SYN3: variants seen among roughly 807,000 people sequenced by gnomAD.
SYN3 encodes the protein synapsin III.
SYN3 carries 35 observed loss-of-function variants against 65.8 expected under a neutral mutation model. The ratio of observed to expected loss-of-function variants is 0.53; its 90% CI spans 0.41 to 0.70. SYN3 has a LOEUF of 0.70. Ranked by LOEUF, SYN3 falls within the 30% of genes least tolerant of loss-of-function variation. The probability of loss-of-function intolerance (pLI) is 0.00; values close to 1 mark genes in which losing one functional copy is unlikely to be tolerated. For synonymous variants in SYN3, 270 were observed against 292.9 expected (o/e 0.92, Z 0.80); for missense variants, 680 against 749.0 (o/e 0.91, Z 1.08).
intron 2 of SYN3, among the ~76,000 whole-genome samples, chr22:33,005,916 T>C (rs1163117837): frequency 6.6e-6 from 1 of 152,214 alleles, no homozygotes; most frequent in Non-Finnish European, 1.5e-5. Context: ...ATGGTGAATA[T>C]ACCATATTTT....
intron 6 of SYN3, among the ~76,000 whole-genome samples, chr22:32,641,786 T>TAA (rs1286041702): frequency 6.6e-6 from 1 of 151,932 alleles, no homozygotes; most frequent in East Asian, 1.9e-4. Flanking sequence ...ATACTACACT[T>TAA]AAAGTGGGTA....
chr22:32,708,825 TC>T (rs2060915389), intron 6 of SYN3, among the ~76,000 whole-genome samples: 1 of 152,234 alleles, frequency 6.6e-6, no homozygotes, highest in Admixed American at 6.5e-5. Flanking sequence ...GGTGAGCAGC[TC>T]AGTTACCCCT....
At chr22:32,932,289 C>T (rs1039511274) in intron 3 of SYN3, among the ~76,000 whole-genome samples, 33 of 146,684 alleles carry the variant, frequency 2.2e-4, no homozygotes, top group African/African-American at 8.0e-4. Context: ...CCTCCTCTTG[C>T]TCCATCCATC....
chr22:33,019,609 T>G (rs2053527741), intron 1 of SYN3, among the ~76,000 whole-genome samples: 1 of 152,210 alleles, frequency 6.6e-6, no homozygotes, highest in Non-Finnish European at 1.5e-5. Flanking sequence ...TACTAGCTCC[T>G]GCTGTTATTT....
intron 6 of SYN3, among the ~76,000 whole-genome samples, chr22:32,727,781 T>C (rs901338830): frequency 3.3e-5 from 5 of 152,250 alleles, no homozygotes; most frequent in Non-Finnish European, 5.9e-5. Flanking sequence ...ATGTCTTCTT[T>C]TAAGAAGTGT....
At chr22:32,726,621 G>A (rs1395569799) in intron 6 of SYN3, among the ~76,000 whole-genome samples, 1 of 152,164 alleles carries the variant, frequency 6.6e-6, no homozygotes, top group Admixed American at 6.5e-5. Flanking sequence ...ATGTATGAGA[G>A]CTCATGTTTT....
At chr22:32,922,866 T>C (rs1399559013) in intron 4 of SYN3, among the ~76,000 whole-genome samples, 1 of 152,164 alleles carries the variant, frequency 6.6e-6, no homozygotes, top group Non-Finnish European at 1.5e-5. Context: ...TCCTAGGTGC[T>C]GTTTGCCAAA....
intron 6 of SYN3, among the ~76,000 whole-genome samples, chr22:32,630,731 C>T (rs1180832063): frequency 6.6e-6 from 1 of 152,174 alleles, no homozygotes; most frequent in Non-Finnish European, 1.5e-5. Flanking sequence ...GCAAGTTTCC[C>T]CTTAGGACTT....
At chr22:32,934,212 A>T (rs2050713651) in intron 3 of SYN3, among the ~76,000 whole-genome samples, 1 of 152,218 alleles carries the variant, frequency 6.6e-6, no homozygotes, top group Non-Finnish European at 1.5e-5. Context: ...AGAAAGTTGC[A>T]AAACAGGATA....
At chr22:32,590,321 A>G (rs572694605) in intron 7 of SYN3, among the ~76,000 whole-genome samples, 9 of 152,248 alleles carry the variant, frequency 5.9e-5, no homozygotes, top group African/African-American at 1.9e-4. Flanking sequence ...TTTGTTTCTG[A>G]CTTATTTCAC....
intron 4 of SYN3, among the ~76,000 whole-genome samples, chr22:32,888,956 T>C (rs1052243744): frequency 1.3e-5 from 2 of 152,200 alleles, no homozygotes; most frequent in Non-Finnish European, 2.9e-5. Flanking sequence ...CACATTGAGG[T>C]TGAAGGGAAA....
At chr22:32,948,479 G>A (rs1254856274) in intron 3 of SYN3, among the ~76,000 whole-genome samples, 1 of 152,166 alleles carries the variant, frequency 6.6e-6, no homozygotes, top group Non-Finnish European at 1.5e-5. Flanking sequence ...GCTCATGCCT[G>A]TAATCACAGC....
chr22:32,632,157 TA>T (rs2059756105), intron 6 of SYN3, among the ~76,000 whole-genome samples: 1 of 152,212 alleles, frequency 6.6e-6, no homozygotes, highest in Non-Finnish European at 1.5e-5. Flanking sequence ...CCTGCGCCCA[TA>T]TCACCAGGCA....
chr22:32,885,419 C>G (rs1442811675), intron 4 of SYN3, among the ~76,000 whole-genome samples: 1 of 152,172 alleles, frequency 6.6e-6, no homozygotes, highest in African/African-American at 2.4e-5. Flanking sequence ...ATCAGTGAGC[C>G]ACCCTGGTGC....
At chr22:32,546,794 G>A (rs1450908816) in intron 7 of SYN3, among the ~76,000 whole-genome samples, 2 of 152,070 alleles carry the variant, frequency 1.3e-5, no homozygotes, top group Non-Finnish European at 2.9e-5. Context: ...CTATGATGGG[G>A]CCACTGTGAA....
chr22:32,882,247 T>A (rs1281022888), intron 4 of SYN3, among the ~76,000 whole-genome samples: 1 of 151,834 alleles, frequency 6.6e-6, no homozygotes, highest in African/African-American at 2.4e-5. Context: ...CATCAGAGGG[T>A]TTCCTCAGAA....
chr22:32,750,726 G>C (rs903894525), intron 6 of SYN3, among the ~76,000 whole-genome samples: 2 of 152,196 alleles, frequency 1.3e-5, no homozygotes, highest in Admixed American at 6.5e-5. Context: ...ATTCTGGAGG[G>C]ATCTGGACCT....
At chr22:32,769,025 ACC>A (rs1250260109) in intron 6 of SYN3, among the ~76,000 whole-genome samples, 1 of 151,912 alleles carries the variant, frequency 6.6e-6, no homozygotes, top group East Asian at 1.9e-4. Context: ...TCTAGGTATC[ACC>A]CCTTTCGCCG....
chr22:32,895,425 C>A (rs187476050), intron 4 of SYN3, among the ~76,000 whole-genome samples: 1 of 152,286 alleles, frequency 6.6e-6, no homozygotes, highest in African/African-American at 2.4e-5. Flanking sequence ...TATCTATCAT[C>A]TACTATTGGT....
Sources: allele counts gnomAD v4.1 joint callset (sites outside exome capture counted in the v4.1 genomes callset), GRCh38; gene constraint gnomAD v4.1.1; transcripts MANE v1.5; gene names NCBI Gene and HGNC (gene_info 2026-07-23, HGNC 2026-07-21).